The following PCDHGA4 variants were observed in gnomAD, a reference collection of about 807,000 sequenced individuals.
PCDHGA4 encodes protocadherin gamma-A4.
PCDHGA4 carries 38 observed loss-of-function variants against 54.6 expected under a neutral mutation model. The observed-to-expected ratio is 0.70, with a 90% CI of 0.54 to 0.91. PCDHGA4 has a LOEUF of 0.91. Ranked by LOEUF, PCDHGA4 falls within the 40% of genes least tolerant of loss-of-function variation. PCDHGA4 has a pLI of 0.00. For synonymous variants in PCDHGA4, 511 were observed against 512.9 expected (o/e 1.00, Z 0.05); for missense variants, 1,298 against 1,220.9 (o/e 1.06, Z -0.94).
At chr5:141,393,299 G>T (rs768038476) in intron 1 of PCDHGA4, 8 of 1,613,780 alleles carry the variant, frequency 5.0e-6, no homozygotes, top group Middle Eastern at 1.6e-4. Context: ...ACCCGGATGT[G>T]GGCGTGAACT....
intron 1 of PCDHGA4, among the ~76,000 whole-genome samples, chr5:141,369,558 C>A (rs1389001825): frequency 6.6e-6 from 1 of 152,088 alleles, no homozygotes; most frequent in Non-Finnish European, 1.5e-5. Flanking sequence ...CACTTGGAAA[C>A]AAAGGAAAAG....
At chr5:141,482,755 T>TGAAGTGGGAG (rs1554165462) in intron 1 of PCDHGA4, among the ~76,000 whole-genome samples, 1 of 143,580 alleles carries the variant, frequency 7.0e-6, no homozygotes, top group South Asian at 2.1e-4. Context: ...GGGATTATGG[T>TGAAGTGGGAG]ATTTCATTAT....
chr5:141,390,297 G>C, intron 1 of PCDHGA4: 2 of 1,613,826 alleles, frequency 1.2e-6, no homozygotes, highest in Non-Finnish European at 1.7e-6. Context: ...TTTCCTTTAA[G>C]TATAATTTAA....
intron 1 of PCDHGA4, chr5:141,384,884 T>C (rs759644846): frequency 6.2e-7 from 1 of 1,613,846 alleles, no homozygotes; most frequent in East Asian, 2.2e-5. Context: ...ACACTCACCG[T>C]GGCTGTGGCT....
Position 141,356,972 on chromosome 5 carries a change from T to C in PCDHGA4, c.1865T>C (p.Val622Ala), listed in dbSNP as rs1169153458. 1.2e-6 allele frequency: 2 copies of C among 1,614,222 alleles called. No homozygotes were observed. Among genetic ancestry groups the C allele is most frequent in the Non-Finnish European group, 1.7e-6 (2 of 1,180,044 alleles). Residue 622 changes from valine to alanine, a missense_variant, in exon 1 of 4, where the codon GTG becomes GCG. Coordinates refer to ENST00000571252, the MANE Select transcript of PCDHGA4 (RefSeq NM_018917.4). The part of the protein sequence containing the change: ...SADSGYLVTK[V>A]VAVDRDSGQN... ...GATTCCGGCTACCTGGTGACCAAAGTGGTGGCAGTGGACAGAGACTCAGGT... is the reference window on the plus strand; with the variant it reads ...GATTCCGGCTACCTGGTGACCAAAGCGGTGGCAGTGGACAGAGACTCAGGT...
At chr5:141,386,719 C>A (rs1487131983) in intron 1 of PCDHGA4, among the ~76,000 whole-genome samples, 1 of 152,104 alleles carries the variant, frequency 6.6e-6, no homozygotes, top group African/African-American at 2.4e-5. Flanking sequence ...CTGACACCAA[C>A]AATGTTACTG....
chr5:141,405,568 T>C, intron 1 of PCDHGA4: 1 of 606,666 alleles, frequency 1.6e-6, no homozygotes, highest in South Asian at 2.1e-5. Context: ...GGGACTAGAG[T>C]AGAGTAGCTG....
intron 1 of PCDHGA4, chr5:141,379,705 C>T (rs1775757725): frequency 6.6e-6 from 1 of 152,118 alleles, no homozygotes; most frequent in South Asian, 2.1e-4. Context: ...GTTAAACATC[C>T]TGGCAGTCAT....
chr5:141,366,214 A>T lies in PCDHGA4; in HGVS notation c.2514+8593A>T, dbSNP rs749592795. The T allele has an allele frequency of 7.4e-6, 12 of 1,613,810 alleles. No individual in the cohort carries two copies. In the Admixed American group the frequency reaches 2.0e-4, roughly 27 times the overall value. On this transcript the variant is annotated intron_variant, in intron 1 of 3. Transcript: ENST00000571252. ...GGCTGCACACGGGCGAGGTGCGCAC[A>T]GCGCGAGCCCTGCTGGACAGAGACG...
chr5:141,482,205 C>A (rs1478729653), intron 1 of PCDHGA4, among the ~76,000 whole-genome samples: 1 of 151,896 alleles, frequency 6.6e-6, no homozygotes, highest in Non-Finnish European at 1.5e-5. Context: ...TAAAACAGAC[C>A]AGGTACTTGT....
At chr5:141,398,936 AC>A in intron 1 of PCDHGA4, 1 of 1,613,962 alleles carries the variant, frequency 6.2e-7, no homozygotes, top group East Asian at 2.2e-5. Context: ...ACTGACCAAG[AC>A]GAGGGCATCA....
In PCDHGA4 at chr5:141,356,415, GAC is replaced by G; in HGVS notation, c.1314_1315del (p.His438GlnfsTer12). 6.2e-7 allele frequency: 1 copy of G among 1,602,540 alleles called. No homozygotes were observed. The highest frequency in any genetic ancestry group is 8.5e-7 in the Non-Finnish European group (1 of 1,173,694). ...CCTATGGAAATTATTATCGGTTGTT[GAC>G]ACACAGAACACTGGACAGGGAAGAA... ...KTYGNYYRLL[T>X]HRTLDREEVS... On this transcript the variant is annotated frameshift_variant, in exon 1 of 4. Transcript: ENST00000571252. LOFTEE classifies it high-confidence loss of function.
rs755462760 is a variant in PCDHGA4, at chr5:141,393,015, T to A, written c.2514+35394T>A. On this transcript the variant is annotated intron_variant, in intron 1 of 3. Coordinates refer to ENST00000571252, the MANE Select transcript of PCDHGA4 (RefSeq NM_018917.4). ...GGCGAAGCACGGAGTCCGTATCGTC[T>A]CCAGAGGTAGGACGCAGCTCTTTGC... The A allele has an allele frequency of 1.6e-5, 26 of 1,613,696 alleles. No individual in the cohort carries two copies. The highest frequency in any genetic ancestry group is 1.9e-5 in the Non-Finnish European group (22 of 1,179,874).
At chr5:141,455,860 A>ATTAT (rs145569377) in intron 1 of PCDHGA4, among the ~76,000 whole-genome samples, 7,190 of 139,786 alleles carry the variant, frequency 0.051, 228 homozygotes, top group South Asian at 0.064. Context: ...AATTTCTTTT[A>ATTAT]TTATTTATTT....
chr5:141,371,481 G>A (rs1296629306), intron 1 of PCDHGA4: 1 of 1,613,956 alleles, frequency 6.2e-7, no homozygotes, highest in South Asian at 1.1e-5. Flanking sequence ...TGCTGAGCTG[G>A]GGACTGCCGT....
chr5:141,398,826 C>G (rs755219133), intron 1 of PCDHGA4: 1 of 1,613,824 alleles, frequency 6.2e-7, no homozygotes, highest in South Asian at 1.1e-5. Flanking sequence ...TCCAGGTAAC[C>G]GACGCCAATG....
At chr5:141,388,692 G>A (rs2091455947) in intron 1 of PCDHGA4, 1 of 1,613,870 alleles carries the variant, frequency 6.2e-7, no homozygotes, top group Non-Finnish European at 8.5e-7. Flanking sequence ...CACGGACCAG[G>A]ATGAGGGTGT....
rs1025148587 is a variant in PCDHGA4, at chr5:141,431,434, C to T, written c.2515-63373C>T. ...GGGGCGACCCGGTGCGCACAGGCAC[C>T]GCGCGCATCCGCGTGATGGTTCTGG... On this transcript the variant is annotated intron_variant, in intron 1 of 3. Transcript: ENST00000571252. This position sits in a 1 kb window ranked among gnomAD's most constrained non-coding sequence, Gnocchi z 4.8. The T allele has an allele frequency of 6.2e-7, 1 of 1,613,690 alleles. No homozygotes were observed. The highest frequency in any genetic ancestry group is 1.3e-5 in the African/African-American group (1 of 75,072).
rs1036779864 is a variant in PCDHGA4 at position 141,379,823 on chromosome 5, T to C, written c.2514+22202T>C. 3.3e-5 allele frequency among the ~76,000 whole-genome samples: 5 copies of C among 150,450 alleles called. No homozygotes were observed. In the East Asian group the frequency reaches 9.7e-4, roughly 29 times the overall value. On this transcript the variant is annotated intron_variant, in intron 1 of 3. Transcript: ENST00000571252. ...GTTTTGAGAGTTCAGTATAGAATTT[T>C]GAAGCATCAGGAAAAAAAACTACCA... is the stretch of plus-strand genomic sequence containing the variant.
Sources: gnomAD v4.1 joint callset for allele counts (sites outside exome capture counted in the v4.1 genomes callset) on GRCh38, gnomAD v4.1.1 for gene constraint, Gnocchi (gnomAD v3.1) non-coding constraint, MANE v1.5 for transcripts, NCBI Gene and HGNC (gene_info 2026-07-23, HGNC 2026-07-21) for gene names.